ARHGEF4: variants seen among roughly 807,000 people sequenced by gnomAD.
The protein encoded by ARHGEF4 is Rho guanine nucleotide exchange factor 4.
A neutral mutation model predicts 162.0 loss-of-function variants in ARHGEF4; 119 were observed. The ratio of observed to expected loss-of-function variants is 0.73; its 90% CI spans 0.63 to 0.86. The LOEUF is 0.86. ARHGEF4 is among the 40% of genes least tolerant of loss of function. ARHGEF4 has a pLI of 0.00. For missense variants in ARHGEF4, 2,488 were observed against 2,456.0 expected, an observed-to-expected ratio of 1.01 and a Z score of -0.28; for synonymous variants, 1,014 against 979.9, an observed-to-expected ratio of 1.03 and a Z score of -0.65.
intron 1 of ARHGEF4, among the ~76,000 whole-genome samples, chr2:130,905,927 A>G (rs1680785989): frequency 6.6e-6 from 1 of 152,212 alleles, no homozygotes; most frequent in Non-Finnish European, 1.5e-5. Flanking sequence ...ATAAGGGGGA[A>G]CTACTGTATC....
Position 131,047,023 on chromosome 2 carries a change from AAGAG to A in ARHGEF4, c.*840_*843del, listed in dbSNP as rs1409586811. ...TACGCTCGTGAGCGTGAGAAGCCAT[AAGAG>A]AGAGACCGAATTCTGTGGCTCAGCA... On this transcript the variant is annotated 3_prime_UTR_variant, in exon 14 of 14. Transcript: ENST00000409359. 1 of 152,540 alleles carries A rather than the reference AAGAG, an allele frequency of 6.6e-6. No individual in the cohort carries two copies. The highest frequency in any genetic ancestry group is 1.5e-5 in the Non-Finnish European group (1 of 68,036). 9.4% of individuals were successfully genotyped at this position (152,540 alleles called of 1,614,324 possible).
chr2:130,949,830 G>T (rs549181387), intron 4 of ARHGEF4, among the ~76,000 whole-genome samples: 1 of 152,126 alleles, frequency 6.6e-6, no homozygotes, highest in Non-Finnish European at 1.5e-5. Context: ...TGTATTTTTA[G>T]TAGAGACAGG....
At chr2:131,022,497 A>T (rs185155812) in intron 4 of ARHGEF4, among the ~76,000 whole-genome samples, 2 of 152,244 alleles carry the variant, frequency 1.3e-5, no homozygotes, top group East Asian at 3.9e-4. Context: ...ATAGGTAGTC[A>T]TGTCTTACTT....
At position 130,917,181 on chromosome 2, in the gene ARHGEF4, G is replaced by C; in HGVS notation, c.3235G>C (p.Ala1079Pro). ...TLPSSSACCL[A>P]YENPGTPCRP... ...GCCTTCCAGCTCTGCCTGCTGCCTG[G>C]CATATGAAAACCCCGGGACGCCCTG... is the stretch of plus-strand genomic sequence containing the variant. Residue 1079 changes from alanine to proline, a missense_variant, in exon 2 of 14, where the codon GCA (alanine) becomes CCA (proline). Ala to Pro is a conservative substitution (Grantham distance 27). Transcript: ENST00000409359. The C allele has an allele frequency of 6.4e-7, 1 of 1,550,470 alleles. No homozygotes were observed. The highest frequency in any genetic ancestry group is 2.4e-5 in the East Asian group (1 of 40,892).
At chr2:131,044,214 T>C in intron 11 of ARHGEF4, 85 bp from the exon 12 acceptor site, 14 of 1,553,058 alleles carry the variant, frequency 9.0e-6, no homozygotes, top group Non-Finnish European at 9.6e-6. Flanking sequence ...CAGCCCCTCC[T>C]ATGGCTGGGG....
At chr2:131,020,779 A>G (rs1689074136) in intron 4 of ARHGEF4, among the ~76,000 whole-genome samples, 1 of 152,186 alleles carries the variant, frequency 6.6e-6, no homozygotes, top group Non-Finnish European at 1.5e-5. Flanking sequence ...TGACTTCCAC[A>G]ATGGTTAAAC....
intron 3 of ARHGEF4, among the ~76,000 whole-genome samples, chr2:130,933,762 T>G (rs2105111410): frequency 6.6e-6 from 1 of 152,366 alleles, no homozygotes; most frequent in South Asian, 2.1e-4. Context: ...AATTGATTTT[T>G]GTTTATTGAT....
intron 3 of ARHGEF4, among the ~76,000 whole-genome samples, chr2:130,934,478 A>G (rs1455106879): frequency 6.6e-6 from 1 of 151,896 alleles, no homozygotes; most frequent in African/African-American, 2.4e-5. Context: ...CTTTTCTTTT[A>G]GTGTCAGGTT....
chr2:130,974,800 C>CA (rs1685593172), intron 4 of ARHGEF4, among the ~76,000 whole-genome samples: 1 of 152,002 alleles, frequency 6.6e-6, no homozygotes, highest in South Asian at 2.1e-4. Context: ...CTGAAATACT[C>CA]AAGGGCATGA....
intron 4 of ARHGEF4, among the ~76,000 whole-genome samples, chr2:130,977,013 G>A (rs1685770154): frequency 6.6e-6 from 1 of 151,556 alleles, no homozygotes; most frequent in Admixed American, 6.6e-5. Context: ...GCATGTGTTT[G>A]CAGTGTGTGT....
chr2:130,879,619 C>T (rs1186977270), intron 1 of ARHGEF4, among the ~76,000 whole-genome samples: 2 of 152,126 alleles, frequency 1.3e-5, no homozygotes, highest in East Asian at 1.9e-4. Context: ...TGGTCACCAT[C>T]GTTTCACTCC....
intron 1 of ARHGEF4, among the ~76,000 whole-genome samples, chr2:130,854,846 T>TTTTATTTATTTATTTATTTA (rs58855269): frequency 7.1e-6 from 1 of 140,232 alleles, no homozygotes; most frequent in Admixed American, 7.1e-5. Flanking sequence ...GGAGTCTGAC[T>TTTTATTTATTTATTTATTTA]TTTATTTATT....
intron 1 of ARHGEF4, among the ~76,000 whole-genome samples, chr2:130,898,625 A>C (rs998202587): frequency 1.5e-4 from 23 of 152,160 alleles, no homozygotes; most frequent in African/African-American, 5.3e-4. Context: ...CCCAGGGGCC[A>C]TGAAGTGCTC....
intron 4 of ARHGEF4, among the ~76,000 whole-genome samples, chr2:130,959,386 G>A (rs1684502229): frequency 6.6e-6 from 1 of 152,202 alleles, no homozygotes. Flanking sequence ...TGGGGAGAAA[G>A]GGAATTAACG....
chr2:130,848,520 C>T (rs1007453511), intron 1 of ARHGEF4, among the ~76,000 whole-genome samples: 14 of 152,170 alleles, frequency 9.2e-5, no homozygotes, highest in Non-Finnish European at 8.8e-5. Context: ...TGGAAGCCCT[C>T]CCCACATGGG....
chr2:130,865,089 A>G (rs991331373), intron 1 of ARHGEF4, among the ~76,000 whole-genome samples: 1 of 152,240 alleles, frequency 6.6e-6, no homozygotes, highest in African/African-American at 2.4e-5. Flanking sequence ...TACGTAAGCA[A>G]GGATTTGATT....
In ARHGEF4 at chr2:130,915,659, C is replaced by T. The variant is rs1397563108; in HGVS notation, c.1713C>T (p.Ala571=). The change falls in exon 2 of 14, where the codon GCC becomes GCT. Residue 571 remains alanine, a synonymous_variant. Transcript: ENST00000409359. ...ACACTTCAAAGGCAGCCGAAGAAGCCATGGTTCTAGACCCCAACTACAGGG... is the reference window on the plus strand; with the variant it reads ...ACACTTCAAAGGCAGCCGAAGAAGCTATGGTTCTAGACCCCAACTACAGGG... The part of the protein sequence containing the change: ...AIDTSKAAEE[A]MVLDPNYREQ... The T allele has an allele frequency of 1.9e-6, 3 of 1,550,472 alleles. No homozygotes were observed. The highest frequency in any genetic ancestry group is 2.6e-6 in the Non-Finnish European group (3 of 1,146,976).
At chr2:130,913,655 C>T (rs1167617239) in intron 1 of ARHGEF4, among the ~76,000 whole-genome samples, 3 of 152,214 alleles carry the variant, frequency 2.0e-5, no homozygotes, top group Non-Finnish European at 2.9e-5. Flanking sequence ...TTGCTGAAAA[C>T]GTTAGGCAGA....
intron 4 of ARHGEF4, among the ~76,000 whole-genome samples, chr2:131,011,368 A>T (rs1688437310): frequency 6.6e-6 from 1 of 152,234 alleles, no homozygotes; most frequent in Admixed American, 6.5e-5. Context: ...AAAGGGATAA[A>T]AGTAGCCTTT....
Sources: allele counts gnomAD v4.1 joint callset (sites outside exome capture counted in the v4.1 genomes callset), GRCh38; gene constraint gnomAD v4.1.1; transcripts MANE v1.5; gene names NCBI Gene and HGNC (gene_info 2026-07-23, HGNC 2026-07-21).